The following GSG1L variants were observed in gnomAD, a reference collection of about 807,000 sequenced individuals.
GSG1L encodes GSG1 like, also known as germ cell-specific gene 1-like protein.
GSG1L carries 24 observed loss-of-function variants against 42.1 expected under a neutral mutation model. The ratio of observed to expected loss-of-function variants is 0.57; its 90% confidence interval spans 0.41 to 0.80. GSG1L has a LOEUF of 0.80. GSG1L is among the 30% of genes least tolerant of loss of function. The pLI is 0.00. For missense variants in GSG1L, 445 were observed against 472.2 expected (o/e 0.94, Z 0.53); for synonymous variants, 215 against 203.5 (o/e 1.06, Z -0.48).
At chr16:28,037,677 A>T (rs2086056644) in intron 1 of GSG1L, among the ~76,000 whole-genome samples, 1 of 152,244 alleles carries the variant, frequency 6.6e-6, no homozygotes, top group African/African-American at 2.4e-5. Flanking sequence ...ATAATAATAT[A>T]AAAACCCACA....
chr16:27,888,478 CTT>C (rs1567505859), intron 2 of GSG1L, among the ~76,000 whole-genome samples: 825 of 24,754 alleles, frequency 0.033, 137 homozygotes, highest in African/African-American at 0.073. Context: ...CTCTCTCTCT[CTT>C]TCCTTTCTTT....
chr16:27,825,093 T>C (rs2083194671), intron 5 of GSG1L, among the ~76,000 whole-genome samples: 3 of 152,138 alleles, frequency 2.0e-5, no homozygotes, highest in Admixed American at 2.0e-4. Flanking sequence ...TCCTCTCTCC[T>C]GGGGCTTTGG....
intron 1 of GSG1L, among the ~76,000 whole-genome samples, chr16:28,035,095 C>G (rs546336877): frequency 6.6e-6 from 1 of 152,320 alleles, no homozygotes; most frequent in African/African-American, 2.4e-5. Flanking sequence ...TAACCTCAAA[C>G]TCCTGGGCTC....
At chr16:28,023,155 G>T (rs1419406022) in intron 1 of GSG1L, among the ~76,000 whole-genome samples, 1 of 152,054 alleles carries the variant, frequency 6.6e-6, no homozygotes, top group Non-Finnish European at 1.5e-5. Flanking sequence ...AATTTTAAAA[G>T]GTTTTTGTTT....
At chr16:27,823,858 T>C (rs1380238089) in intron 5 of GSG1L, 3 of 702,984 alleles carry the variant, frequency 4.3e-6, no homozygotes, top group Non-Finnish European at 7.8e-6. Context: ...GCTCTGGCAC[T>C]TACCAGCTGT....
chr16:28,058,446 T>C (rs1451952488), intron 1 of GSG1L, among the ~76,000 whole-genome samples: 1 of 151,934 alleles, frequency 6.6e-6, no homozygotes, highest in African/African-American at 2.4e-5. Flanking sequence ...CTGAGCAACA[T>C]AGTGAAACCT....
chr16:27,981,648 G>C (rs1785355862), intron 1 of GSG1L, among the ~76,000 whole-genome samples: 1 of 152,174 alleles, frequency 6.6e-6, no homozygotes, highest in African/African-American at 2.4e-5. Context: ...CCAAAATGCA[G>C]GTCAACTTTC....
chr16:27,909,658 T>G (rs1191136025), intron 2 of GSG1L, among the ~76,000 whole-genome samples: 1 of 147,702 alleles, frequency 6.8e-6, no homozygotes, highest in East Asian at 2.0e-4. Flanking sequence ...TTTTTTTTTT[T>G]TGAGACAAGG....
In GSG1L at chr16:28,003,754, A is replaced by AC. The variant is rs1285966982; in HGVS notation, c.350-40552dup. ...CCATCCTGTCTCCATCTCAATCCCC[A>AC]CCCCCAACCCAACCAGGGGCCAGGG... On this transcript the variant is annotated intron_variant, in intron 1 of 6. Transcript: ENST00000447459. 6.6e-5 allele frequency among the ~76,000 whole-genome samples: 10 copies of AC among 151,274 alleles called. 1 individual carries two copies. The highest frequency in any genetic ancestry group is 2.0e-4 in the East Asian group (1 of 5,118).
chr16:28,044,088 A>T (rs1246145523), intron 1 of GSG1L, among the ~76,000 whole-genome samples: 1 of 152,154 alleles, frequency 6.6e-6, no homozygotes, highest in Non-Finnish European at 1.5e-5. Context: ...AAGTCTTCCT[A>T]AGCTGACCTC....
At chr16:28,025,872 C>A (rs569962967) in intron 1 of GSG1L, among the ~76,000 whole-genome samples, 1 of 152,258 alleles carries the variant, frequency 6.6e-6, no homozygotes, top group South Asian at 2.1e-4. Context: ...TGACCCAGAG[C>A]CCAGGCAGAG....
intron 1 of GSG1L, among the ~76,000 whole-genome samples, chr16:28,004,635 A>C (rs943102244): frequency 6.6e-6 from 1 of 151,854 alleles, no homozygotes; most frequent in Non-Finnish European, 1.5e-5. Flanking sequence ...AAAATTTACC[A>C]AGCAAAGTGG....
At chr16:27,937,208 T>G (rs368501815) in intron 2 of GSG1L, among the ~76,000 whole-genome samples, 1 of 151,906 alleles carries the variant, frequency 6.6e-6, no homozygotes, top group African/African-American at 2.4e-5. Context: ...AATTTTGAAC[T>G]GTTGAGAAGC....
intron 3 of GSG1L, among the ~76,000 whole-genome samples, chr16:27,856,779 AC>A (rs1345503769): frequency 1.3e-5 from 2 of 152,340 alleles, no homozygotes; most frequent in East Asian, 3.9e-4. Flanking sequence ...TGAACATTGT[AC>A]CTTGGGCATC....
intron 3 of GSG1L, among the ~76,000 whole-genome samples, chr16:27,848,908 A>AG (rs2083473053): frequency 1.3e-5 from 2 of 151,802 alleles, no homozygotes; most frequent in South Asian, 4.1e-4. Context: ...AGCAAGGGGT[A>AG]GGATGGGCCT....
intron 2 of GSG1L, among the ~76,000 whole-genome samples, chr16:27,946,688 G>T: frequency 6.9e-6 from 1 of 145,770 alleles, no homozygotes; most frequent in Non-Finnish European, 1.5e-5. Flanking sequence ...AAGAAAGAAA[G>T]AAAGAATTAA....
At chr16:27,955,370 T>A (rs1341136870) in intron 2 of GSG1L, among the ~76,000 whole-genome samples, 2 of 151,456 alleles carry the variant, frequency 1.3e-5, no homozygotes, top group Non-Finnish European at 2.9e-5. Flanking sequence ...ATTGAATAAA[T>A]ATCTGAGGAA....
At chr16:27,801,347 G>A (rs1358388618) in intron 6 of GSG1L, among the ~76,000 whole-genome samples, 15 of 152,144 alleles carry the variant, frequency 9.9e-5, no homozygotes, top group African/African-American at 1.9e-4. Flanking sequence ...AAGAATCCCC[G>A]CTTCTCAGGG....
At chr16:27,813,007 T>C (rs573652750) in intron 5 of GSG1L, among the ~76,000 whole-genome samples, 2 of 152,252 alleles carry the variant, frequency 1.3e-5, no homozygotes, top group Admixed American at 1.3e-4. Context: ...CTCCAACTCC[T>C]GACTTCAACT....
Sources: gnomAD v4.1 joint callset for allele counts (sites outside exome capture counted in the v4.1 genomes callset) on GRCh38, gnomAD v4.1.1 for gene constraint, MANE v1.5 for transcripts, NCBI Gene and HGNC (gene_info 2026-07-23, HGNC 2026-07-21) for gene names.